CPNE1: variants seen among roughly 807,000 people sequenced by gnomAD.
CPNE1 encodes copine 1, also known as copine-1.
CPNE1 carries 58 observed loss-of-function variants against 63.2 expected under a neutral mutation model. That is an observed-to-expected ratio of 0.92 (90% CI 0.74 to 1.14). The LOEUF is 1.14. CPNE1 is among the 50% of genes most tolerant of loss of function. The probability of loss-of-function intolerance (pLI) is 0.00; values close to 1 mark genes in which losing one functional copy is unlikely to be tolerated. For synonymous variants in CPNE1, 237 were observed against 249.0 expected (o/e 0.95, Z 0.45); for missense variants, 672 against 661.7 (o/e 1.02, Z -0.17).
intron 12 of CPNE1, 89 bp from the exon 13 acceptor site, chr20:35,630,579 G>C: frequency 6.7e-7 from 1 of 1,494,526 alleles, no homozygotes; most frequent in Non-Finnish European, 9.3e-7. Flanking sequence ...ATTCCTATAG[G>C]AGCTATGGAG....
At chr20:35,644,158 C>T (rs959648021) in intron 1 of CPNE1, among the ~76,000 whole-genome samples, 1 of 152,142 alleles carries the variant, frequency 6.6e-6, no homozygotes, top group Non-Finnish European at 1.5e-5. Flanking sequence ...AGTAAGTACC[C>T]AGTGTCAACT....
intron 14 of CPNE1, 57 bp downstream of exon 14, chr20:35,627,223 T>C: frequency 1.0e-6 from 1 of 971,672 alleles, no homozygotes. Flanking sequence ...CTTTGTTCCA[T>C]AACCCTCAAG....
intron 1 of CPNE1, among the ~76,000 whole-genome samples, chr20:35,639,977 A>T (rs893237993): frequency 6.6e-6 from 1 of 152,106 alleles, no homozygotes; most frequent in East Asian, 1.9e-4. Flanking sequence ...TTGTGGGCTC[A>T]TGTGTGCCTC....
At chr20:35,645,266 C>A (rs963809776) in intron 1 of CPNE1, among the ~76,000 whole-genome samples, 2 of 152,168 alleles carry the variant, frequency 1.3e-5, no homozygotes, top group Non-Finnish European at 2.9e-5. Context: ...ATTTGGGACA[C>A]TGGGGAGAGT....
Position 35,632,629 on chromosome 20 carries a change from T to C in CPNE1, c.197A>G (p.Tyr66Cys). The C allele has an allele frequency of 6.5e-7, 1 of 1,532,724 alleles. No individual in the cohort carries two copies. The highest frequency in any genetic ancestry group is 9.0e-7 in the Non-Finnish European group (1 of 1,105,710). 94.9% of individuals were successfully genotyped at this position (1,532,724 alleles called of 1,614,324 possible). A position where few individuals can be genotyped will look rare whatever the true frequency, so the allele number is the denominator to read the frequency against. ...TAGCTTCTGGACTGTCTCAAAGCGG[T>C]ACTCAAGCTGTAGAGTCTTGGAGAA... ...PEFSKTLQLE[Y>C]RFETVQKLRF... is the part of the protein sequence containing the mutation. Residue 66 changes from tyrosine (Y) to cysteine (C), a missense_variant, in exon 3 of 16, where the codon TAC becomes TGC. By Grantham distance (194) the Tyr-to-Cys change is radical. Coordinates refer to ENST00000397443, the MANE Select transcript of CPNE1 (RefSeq NM_152925.3).
chr20:35,641,024 T>C (rs3787165), intron 1 of CPNE1, among the ~76,000 whole-genome samples: 38,454 of 152,170 alleles, frequency 0.25, 5,628 homozygotes, highest in African/African-American at 0.41. Flanking sequence ...ACTTAGGAGT[T>C]ACCCTTTATA....
At chr20:35,660,776 G>A (rs1468325245) in intron 1 of CPNE1, among the ~76,000 whole-genome samples, 2 of 152,160 alleles carry the variant, frequency 1.3e-5, no homozygotes, top group Non-Finnish European at 2.9e-5. Flanking sequence ...GTCAGGTATG[G>A]GGCCAGGGCA....
intron 1 of CPNE1, among the ~76,000 whole-genome samples, chr20:35,664,142 C>A (rs1205296767): frequency 6.6e-6 from 1 of 152,208 alleles, no homozygotes; most frequent in Non-Finnish European, 1.5e-5. Context: ...AAGCCCCTCC[C>A]CAGCAATGGA....
intron 1 of CPNE1, chr20:35,664,424 CG>C (rs2034420771): frequency 2.0e-5 from 3 of 152,320 alleles, no homozygotes; most frequent in Admixed American, 6.5e-5. Context: ...CCTCCGTACT[CG>C]GGATGTAGGC....
In CPNE1 at chr20:35,626,611, C is replaced by A; in HGVS notation, c.1429G>T (p.Ala477Ser). 6.2e-7 allele frequency: 1 copy of A among 1,614,194 alleles called. No individual in the cohort carries two copies. The highest frequency in any genetic ancestry group is 8.5e-7 in the Non-Finnish European group (1 of 1,180,030). ...PLHTRSGQAA[A>S]RDIVQFVPYR... ...GGTACAAACTGCACAATGTCGCGGG[C>A]AGCAGCCTGCCCAGAACGTGTATGC... The change falls in exon 15 of 16, where the codon GCC becomes TCC. Residue 477 changes from alanine to serine, a missense_variant. Transcript: ENST00000397443.
chr20:35,636,893 T>C (rs970175177), intron 1 of CPNE1, among the ~76,000 whole-genome samples: 1 of 152,054 alleles, frequency 6.6e-6, no homozygotes, highest in African/African-American at 2.4e-5. Context: ...CATAAATAAA[T>C]ACACACACAG....
chr20:35,659,149 AAAAAAAG>A, intron 1 of CPNE1: 2 of 456,166 alleles, frequency 4.4e-6, no homozygotes, highest in Non-Finnish European at 7.9e-6. Flanking sequence ...AAAAAAAAAA[AAAAAAAG>A]AAAGACACCG....
At position 35,630,972 on chromosome 20, in the gene CPNE1, CAGGTAGTGT is replaced by C. The variant is rs1484051483; in HGVS notation, c.915_923del (p.His306_Leu308del). ...GGTACTCATTGACCCCTGTTGGACT[CAGGTAGTGT>C]AGGGAGTCAGGTGAGGAGGGGTCTC... is the stretch of plus-strand genomic sequence containing the variant. On this transcript the variant is annotated inframe_deletion, in exon 11 of 16. Coordinates refer to ENST00000397443, the MANE Select transcript of CPNE1 (RefSeq NM_152925.3). 6.2e-7 allele frequency: 1 copy of C among 1,613,986 alleles called. No individual in the cohort carries two copies. The highest frequency in any genetic ancestry group is 1.3e-5 in the African/African-American group (1 of 74,916).
chr20:35,631,706 GT>G lies in CPNE1; in HGVS notation c.608del (p.Asn203ThrfsTer66). On this transcript the variant is annotated frameshift_variant, in exon 7 of 16. Transcript: ENST00000397443. LOFTEE classifies it high-confidence loss of function. ...TCCTCACCTGGATGGGTGTGCTGGG[GT>G]TCCCACCACAGAAATGCTGAACGGG... ...SVPVQHFCGGNPSTPIQVQCS... is the reference protein window; with the variant it reads ...SVPVQHFCGGXPSTPIQVQCS... 6.2e-7 allele frequency: 1 copy of G among 1,614,016 alleles called. No homozygotes were observed. The highest frequency in any genetic ancestry group is 8.5e-7 in the Non-Finnish European group (1 of 1,179,920).
intron 1 of CPNE1, among the ~76,000 whole-genome samples, chr20:35,647,897 G>GA (rs11481740): frequency 0.19 from 18,517 of 98,680 alleles, 1,406 homozygotes; most frequent in South Asian, 0.36. Flanking sequence ...TACTAAAAAT[G>GA]AAAAAAAAAA....
intron 12 of CPNE1, 68 bp downstream of exon 12, chr20:35,630,673 T>A: frequency 6.3e-7 from 1 of 1,581,132 alleles, no homozygotes; most frequent in Non-Finnish European, 8.7e-7. Flanking sequence ...GCAAGTAAAT[T>A]TACCACATCC....
intron 1 of CPNE1, chr20:35,651,580 C>T (rs1340551468): frequency 6.6e-6 from 1 of 152,168 alleles, no homozygotes; most frequent in Non-Finnish European, 1.5e-5. Context: ...TGTTTAAAGG[C>T]CAAAATTTCA....
At chr20:35,643,977 G>A (rs1185117039) in intron 1 of CPNE1, among the ~76,000 whole-genome samples, 1 of 152,114 alleles carries the variant, frequency 6.6e-6, no homozygotes, top group East Asian at 1.9e-4. Context: ...TACCTGAGGA[G>A]TCATACAAGC....
chr20:35,632,057 A>C (rs2032185940), intron 5 of CPNE1, 32 bp from the exon 6 acceptor site: 8 of 1,609,620 alleles, frequency 5.0e-6, no homozygotes, highest in Non-Finnish European at 6.8e-6. Flanking sequence ...TACAAGACTC[A>C]GGAACAAACA....
Sources: gnomAD v4.1 joint callset for allele counts (sites outside exome capture counted in the v4.1 genomes callset) on GRCh38, gnomAD v4.1.1 for gene constraint, MANE v1.5 for transcripts, NCBI Gene and HGNC (gene_info 2026-07-23, HGNC 2026-07-21) for gene names.